NEURL1: variants seen among roughly 807,000 people sequenced by gnomAD.
NEURL1 encodes the protein neuralized E3 ubiquitin protein ligase 1.
NEURL1 carries 26 observed loss-of-function variants against 41.2 expected under a neutral mutation model. The ratio of observed to expected loss-of-function variants is 0.63; its 90% confidence interval spans 0.46 to 0.87. The LOEUF is 0.87. Among genes scored for constraint, NEURL1 ranks in the 40% least tolerant of loss-of-function variants. The pLI is 0.00. For missense variants in NEURL1, 761 were observed against 871.1 expected, an observed-to-expected ratio of 0.87 and a Z score of 1.59; for synonymous variants, 400 against 402.3, an observed-to-expected ratio of 0.99 and a Z score of 0.07.
intron 1 of NEURL1, among the ~76,000 whole-genome samples, chr10:103,507,188 T>C (rs1182418347): frequency 6.6e-6 from 1 of 152,180 alleles, no homozygotes; most frequent in Non-Finnish European, 1.5e-5. Context: ...ATGATGCTCT[T>C]AGGAGCTGCT....
At chr10:103,537,673 C>T (rs1422309771) in intron 1 of NEURL1, among the ~76,000 whole-genome samples, 3 of 152,166 alleles carry the variant, frequency 2.0e-5, no homozygotes, top group Non-Finnish European at 2.9e-5. Flanking sequence ...GGATTACAGG[C>T]GTGAGCCACC....
chr10:103,562,108 G>A (rs901193535), intron 1 of NEURL1, among the ~76,000 whole-genome samples: 12 of 152,220 alleles, frequency 7.9e-5, no homozygotes, highest in African/African-American at 2.4e-4. Context: ...AATGGCTCTG[G>A]GCACCATGGC....
Position 103,508,528 on chromosome 10 carries a change from C to T in NEURL1, c.85+14056C>T, listed in dbSNP as rs1228320800. On this transcript the variant is annotated intron_variant, in intron 1 of 5. Transcript: ENST00000369780. This position sits in a 1 kb window ranked among gnomAD's most constrained non-coding sequence, Gnocchi z 4.3. Reference sequence around the variant, plus strand: ...CTGTCTGGGTGGACAGACTTTCTCACCCACCCCTCCGCAAGTCCCATGCAG... The same window carrying T: ...CTGTCTGGGTGGACAGACTTTCTCATCCACCCCTCCGCAAGTCCCATGCAG... 6.6e-6 allele frequency among the ~76,000 whole-genome samples: 1 copy of T among 152,172 alleles called. No homozygotes were observed. The highest frequency in any genetic ancestry group is 1.5e-5 in the Non-Finnish European group (1 of 68,040).
At chr10:103,515,843 A>G (rs183124085) in intron 1 of NEURL1, among the ~76,000 whole-genome samples, 1 of 152,292 alleles carries the variant, frequency 6.6e-6, no homozygotes, top group East Asian at 1.9e-4. Flanking sequence ...ACCACTTATG[A>G]AGGAAGTGAA....
chr10:103,501,618 T>TTTTTTATTA (rs372200333), intron 1 of NEURL1, among the ~76,000 whole-genome samples: 19 of 142,598 alleles, frequency 1.3e-4, no homozygotes, highest in African/African-American at 3.4e-4. Flanking sequence ...TCCCACTTTA[T>TTTTTTATTA]TTATTATTAT....
chr10:103,512,679 C>A (rs372847382), intron 1 of NEURL1, among the ~76,000 whole-genome samples: 1 of 152,150 alleles, frequency 6.6e-6, no homozygotes, highest in African/African-American at 2.4e-5. Context: ...CGGCAGTTTC[C>A]CCAGCGCCCG....
At chr10:103,525,335 T>TCTTCTTTC (rs1554890754) in intron 1 of NEURL1, among the ~76,000 whole-genome samples, 1 of 146,834 alleles carries the variant, frequency 6.8e-6, no homozygotes, top group Non-Finnish European at 1.5e-5. Context: ...GTGGAGTTTT[T>TCTTCTTTC]TTTCTTTCTT....
chr10:103,502,932 A>T (rs1439639208), intron 1 of NEURL1, among the ~76,000 whole-genome samples: 5 of 152,194 alleles, frequency 3.3e-5, no homozygotes, highest in Admixed American at 1.3e-4. Flanking sequence ...CCTGGGCAGG[A>T]TGCAAGTGGT....
intron 4 of NEURL1, chr10:103,588,789 T>C (rs2035975773): frequency 2.4e-6 from 1 of 424,034 alleles, no homozygotes; most frequent in Non-Finnish European, 4.7e-6. Flanking sequence ...ATTAAAAATA[T>C]TAAAAAATTA....
intron 1 of NEURL1, among the ~76,000 whole-genome samples, chr10:103,540,254 C>A (rs533835420): frequency 9.1e-4 from 139 of 151,986 alleles, no homozygotes; most frequent in African/African-American, 3.1e-3. Context: ...TTAACCCCTG[C>A]TTTTCTGCTT....
chr10:103,524,381 C>G (rs2034418925), intron 1 of NEURL1, among the ~76,000 whole-genome samples: 1 of 152,110 alleles, frequency 6.6e-6, no homozygotes, highest in Admixed American at 6.6e-5. Flanking sequence ...AATATTTTCT[C>G]CTATTCTGCA....
intron 1 of NEURL1, among the ~76,000 whole-genome samples, chr10:103,506,304 T>A (rs2033944842): frequency 1.3e-5 from 2 of 152,178 alleles, no homozygotes. Flanking sequence ...CAGGTGCCCC[T>A]GAGAGGGAGG....
chr10:103,528,363 A>G (rs2034503717), intron 1 of NEURL1, among the ~76,000 whole-genome samples: 1 of 151,828 alleles, frequency 6.6e-6, no homozygotes, highest in Non-Finnish European at 1.5e-5. Context: ...TCAAAAGAAC[A>G]GAAAGAAAAA....
At chr10:103,542,396 A>G (rs1483410763) in intron 1 of NEURL1, among the ~76,000 whole-genome samples, 2 of 152,114 alleles carry the variant, frequency 1.3e-5, no homozygotes, top group Non-Finnish European at 2.9e-5. Flanking sequence ...AGTAACTGAG[A>G]CTACAGACAC....
In NEURL1 at chr10:103,542,106, C is replaced by T. The variant is rs887114348; in HGVS notation, c.86-28766C>T. On this transcript the variant is annotated intron_variant, in intron 1 of 5. Transcript: ENST00000369780. The stretch of plus-strand genomic sequence containing the variant: ...AGTGGGTCACCTGGCCATTCTTGAC[C>T]ATGTCACTGAGAAGGGGAATGAAAC... Among the ~76,000 whole-genome samples, 5 of 152,138 alleles carry T rather than the reference C, an allele frequency of 3.3e-5. No individual in the cohort carries two copies. In the East Asian group the frequency reaches 7.7e-4, roughly 23 times the overall value.
intron 1 of NEURL1, among the ~76,000 whole-genome samples, chr10:103,510,185 G>A (rs1592182812): frequency 6.6e-6 from 1 of 152,140 alleles, no homozygotes; most frequent in African/African-American, 2.4e-5. Context: ...GACTGTTTGT[G>A]GGTAAGTCAC....
chr10:103,581,545 C>T (rs1385385825), intron 3 of NEURL1, among the ~76,000 whole-genome samples: 1 of 152,180 alleles, frequency 6.6e-6, no homozygotes, highest in Non-Finnish European at 1.5e-5. Context: ...CAGGAAATGG[C>T]AGGGCCAGGA....
At position 103,566,124 on chromosome 10, in the gene NEURL1, C is replaced by T. The variant is rs1209404672; in HGVS notation, c.86-4748C>T. ...TTTTTTTTAGAGACAGAATCATGCT[C>T]TGTCACCCAGGCTGAAGTGCAGTGG... On this transcript the variant is annotated intron_variant, in intron 1 of 5. Coordinates refer to ENST00000369780, the MANE Select transcript of NEURL1 (RefSeq NM_004210.5). This position sits in a 1 kb window ranked among gnomAD's most constrained non-coding sequence, Gnocchi z 4.2. Among the ~76,000 whole-genome samples the T allele has an allele frequency of 1.3e-5, 2 of 151,932 alleles. No homozygotes were observed. Among genetic ancestry groups the T allele is most frequent in the African/African-American group, 2.4e-5 (1 of 41,346 alleles).
chr10:103,497,308 A>G (rs2033708789), intron 1 of NEURL1, among the ~76,000 whole-genome samples: 1 of 152,196 alleles, frequency 6.6e-6, no homozygotes, highest in South Asian at 2.1e-4. Flanking sequence ...CTGTGATGCT[A>G]ACTGCCTAGC....
Sources: gnomAD v4.1 joint callset for allele counts (sites outside exome capture counted in the v4.1 genomes callset) on GRCh38, gnomAD v4.1.1 for gene constraint, Gnocchi (gnomAD v3.1) non-coding constraint, MANE v1.5 for transcripts, NCBI Gene and HGNC (gene_info 2026-07-23, HGNC 2026-07-21) for gene names.